PUDP: variants seen among roughly 807,000 people sequenced by gnomAD.
The protein encoded by PUDP is pseudouridine 5'-phosphatase, also known as pseudouridine-5'-phosphatase.
Under a neutral mutation model 9.4 loss-of-function variants are expected in PUDP, and 8 were observed. The ratio of observed to expected loss-of-function variants is 0.85; its 90% confidence interval spans 0.50 to 1.53. PUDP has a LOEUF of 1.53. Among genes scored for constraint, PUDP ranks in the 40% most tolerant of loss-of-function variants. The pLI is 0.00. For missense variants in PUDP, 188 were observed against 189.7 expected (o/e 0.99, Z 0.05); for synonymous variants, 99 against 80.7 (o/e 1.23, Z -1.22).
chrX:7,123,993 C>T (rs1417239004), intron 1 of PUDP, among the ~76,000 whole-genome samples: 4 of 111,978 alleles, frequency 3.6e-5, no homozygotes, highest in Admixed American at 9.5e-5. Context: ...AACAACTAGA[C>T]GGAAGACAAA....
chrX:6,969,886 A>C (rs1378316801), intron 3 of PUDP, among the ~76,000 whole-genome samples: 1 of 112,128 alleles, frequency 8.9e-6, no homozygotes, highest in East Asian at 2.8e-4. Context: ...CTCTTTGTAA[A>C]ATTTTTTGGA....
At chrX:7,069,297 A>G (rs187417670) in intron 3 of PUDP, among the ~76,000 whole-genome samples, 137 of 111,150 alleles carry the variant, frequency 1.2e-3, no homozygotes, top group African/African-American at 4.3e-3. Context: ...AGAAACAGGG[A>G]TTGTGGCACC....
At chrX:6,934,572 G>A (rs1162867816) in intron 3 of PUDP, among the ~76,000 whole-genome samples, 22 of 109,235 alleles carry the variant, frequency 2.0e-4, no homozygotes, top group Middle Eastern at 4.7e-3. Flanking sequence ...AAATTGCATC[G>A]ACTAACGAGC....
intron 1 of PUDP, among the ~76,000 whole-genome samples, chrX:6,714,480 A>G (rs1180994761): frequency 6.3e-5 from 7 of 111,783 alleles, no homozygotes; most frequent in Non-Finnish European, 9.4e-5. Flanking sequence ...ATCAGTCTAT[A>G]TGTCTTTTGA....
At chrX:6,725,967 A>G (rs1924734074), upstream of PUDP, among the ~76,000 whole-genome samples, 1 of 112,023 alleles carries the variant, frequency 8.9e-6, no homozygotes, top group African/African-American at 3.2e-5. Context: ...CTGCACCTGT[A>G]TGAAGGTATT....
At position 7,115,756 on chromosome X, in the gene PUDP, C is replaced by G. The variant is rs989434101; in HGVS notation, c.62-9918G>C. 3.5e-5 allele frequency among the ~76,000 whole-genome samples: 4 copies of G among 112,709 alleles called. 1 individual carries two copies. The Admixed American group carries it at 3.7e-4, about 11-fold the overall frequency. On this transcript the variant is annotated intron_variant, in intron 1 of 3. Coordinates refer to ENST00000381077, the MANE Select transcript of PUDP (RefSeq NM_012080.5). ...CTCTCTATGCTCCTGGCACACAGCA[C>G]AGAGCCCAGATCCTGTCGGCAGCGC... is the stretch of plus-strand genomic sequence containing the variant.
chrX:6,736,923 T>C (rs1024455401), intron 3 of PUDP, among the ~76,000 whole-genome samples: 1 of 111,714 alleles, frequency 9.0e-6, no homozygotes, highest in African/African-American at 3.3e-5. Flanking sequence ...ACTTGCATGA[T>C]GAAATAATCT....
chrX:6,712,939 C>T (rs766957614), intron 1 of PUDP, among the ~76,000 whole-genome samples: 3 of 111,459 alleles, frequency 2.7e-5, no homozygotes, highest in East Asian at 2.8e-4. Context: ...CCCAGCCACT[C>T]GGGAGGCTGA....
intron 1 of PUDP, among the ~76,000 whole-genome samples, chrX:7,004,292 A>C (rs1929371100): frequency 8.9e-6 from 1 of 111,931 alleles, no homozygotes; most frequent in Non-Finnish European, 1.9e-5. Context: ...TCAGGAGCTA[A>C]GCCTCATTTT....
At chrX:6,863,485 G>T (rs1030394181) in intron 3 of PUDP, among the ~76,000 whole-genome samples, 2 of 112,201 alleles carry the variant, frequency 1.8e-5, no homozygotes, top group African/African-American at 6.5e-5. Context: ...TGCCTCACAG[G>T]TTCTGTATTA....
chrX:7,125,409 T>C (rs1462278215), intron 1 of PUDP, among the ~76,000 whole-genome samples: 1 of 111,733 alleles, frequency 8.9e-6, no homozygotes, highest in African/African-American at 3.3e-5. Context: ...AGAGCTAGTT[T>C]TCCAGTGTCT....
intron 3 of PUDP, among the ~76,000 whole-genome samples, chrX:6,964,318 C>A (rs755418637): frequency 8.9e-6 from 1 of 111,962 alleles, no homozygotes; most frequent in South Asian, 3.7e-4. Flanking sequence ...AAAAGGAAAA[C>A]CAAGTAGCAA....
rs1927700677 is a variant in PUDP at position 6,902,198 on chromosome X, G to A, written c.*247+74935C>T. Among the ~76,000 whole-genome samples, 4 of 112,022 alleles carry A rather than the reference G, an allele frequency of 3.6e-5. No individual in the cohort carries two copies. The South Asian group carries it at 1.5e-3, about 42-fold the overall frequency. Reference sequence around the variant, plus strand: ...AGAAATACTCTTTTCCAACACTTGGGTTTCATAACTGGTAAACAGAAATCT... The same window carrying A: ...AGAAATACTCTTTTCCAACACTTGGATTTCATAACTGGTAAACAGAAATCT... On this transcript the variant is annotated intron_variant and NMD_transcript_variant, in intron 3 of 3. Transcript: ENST00000655425.
chrX:6,720,252 G>GTATATA, intron 1 of PUDP, among the ~76,000 whole-genome samples: 1 of 32,983 alleles, frequency 3.0e-5, no homozygotes, highest in Non-Finnish European at 4.9e-5. Flanking sequence ...GTATGTGTGT[G>GTATATA]TGTGTGTATA....
chrX:6,859,798 A>G, intron 3 of PUDP, among the ~76,000 whole-genome samples: 1 of 110,877 alleles, frequency 9.0e-6, no homozygotes, highest in East Asian at 2.8e-4. Context: ...GATTTTACCC[A>G]CAGACAATCA....
intron 3 of PUDP, among the ~76,000 whole-genome samples, chrX:6,808,853 T>A (rs746331201): frequency 8.9e-6 from 1 of 112,325 alleles, no homozygotes; most frequent in African/African-American, 3.2e-5. Context: ...GACAAAAAGA[T>A]GAACAAGAAA....
intron 3 of PUDP, among the ~76,000 whole-genome samples, chrX:6,773,733 C>T (rs1334373772): frequency 9.0e-6 from 1 of 111,372 alleles, no homozygotes; most frequent in Non-Finnish European, 1.9e-5. Context: ...ATTGTCACGG[C>T]AACACCCAGG....
chrX:6,786,857 A>G (rs1165148249), intron 3 of PUDP, among the ~76,000 whole-genome samples: 1 of 111,468 alleles, frequency 9.0e-6, no homozygotes, highest in Non-Finnish European at 1.9e-5. Flanking sequence ...AACTTTTTCT[A>G]TTTCTTTCAA....
intron 3 of PUDP, among the ~76,000 whole-genome samples, chrX:6,898,840 A>T (rs889760485): frequency 2.7e-5 from 3 of 112,286 alleles, no homozygotes; most frequent in Non-Finnish European, 5.6e-5. Context: ...GAACACTGAA[A>T]GGAGGTGGTG....
Sources: gnomAD v4.1 joint callset for allele counts (sites outside exome capture counted in the v4.1 genomes callset) on GRCh38, gnomAD v4.1.1 for gene constraint, MANE v1.5 for transcripts, NCBI Gene and HGNC (gene_info 2026-07-23, HGNC 2026-07-21) for gene names.